Variants in CDH13 observed in about 807,000 individuals in gnomAD.
CDH13 encodes the protein cadherin-13.
A neutral mutation model predicts 63.8 loss-of-function variants in CDH13; 24 were observed. The observed-to-expected ratio is 0.38, with a 90% CI of 0.27 to 0.53. The LOEUF is 0.53. CDH13 is among the 20% of genes least tolerant of loss of function. The pLI is 0.85. For synonymous variants in CDH13, 503 were observed against 355.3 expected (o/e 1.42, Z -4.67); for missense variants, 1,049 against 903.1 (o/e 1.16, Z -2.07).
intron 5 of CDH13, among the ~76,000 whole-genome samples, chr16:83,261,304 G>A (rs186883861): frequency 1.3e-4 from 20 of 152,296 alleles, no homozygotes; most frequent in South Asian, 8.3e-4. Context: ...TTACCGATAC[G>A]TTAACTTCAT....
rs545982513 is a variant in CDH13, at chr16:83,464,221, G to A, written c.782-22256G>A. Among the ~76,000 whole-genome samples, 77 of 152,122 alleles carry A rather than the reference G, an allele frequency of 5.1e-4. 1 individual carries two copies. The highest frequency in any genetic ancestry group is 9.0e-4 in the Non-Finnish European group (61 of 68,014). ...ATTACAGGCACACACCACTATGTCC[G>A]GCTAAATTTTGCTGGGCATGGTGGC... On this transcript the variant is annotated intron_variant, in intron 6 of 13. Transcript: ENST00000567109.
intron 1 of CDH13, among the ~76,000 whole-genome samples, chr16:82,645,169 CG>C (rs1909942835): frequency 6.6e-6 from 1 of 152,074 alleles, no homozygotes; most frequent in Non-Finnish European, 1.5e-5. Flanking sequence ...CGGGCTTCGA[CG>C]GGGCCCTTCA....
intron 9 of CDH13, among the ~76,000 whole-genome samples, chr16:83,677,517 G>T (rs1466019876): frequency 6.6e-6 from 1 of 151,830 alleles, no homozygotes; most frequent in East Asian, 1.9e-4. Flanking sequence ...CCTCAGTTGG[G>T]CCAGGGCCCA....
intron 5 of CDH13, among the ~76,000 whole-genome samples, chr16:83,260,281 C>T: frequency 6.6e-6 from 1 of 151,792 alleles, no homozygotes; most frequent in East Asian, 1.9e-4. Flanking sequence ...AATTGTGAAA[C>T]CTGGTTTAAA....
At chr16:83,094,874 G>A (rs182412239) in intron 3 of CDH13, among the ~76,000 whole-genome samples, 19 of 152,264 alleles carry the variant, frequency 1.2e-4, no homozygotes, top group African/African-American at 4.6e-4. Context: ...TACTTTTTAA[G>A]ATAAGTGAGA....
At chr16:83,501,530 A>T (rs1304682159) in intron 7 of CDH13, among the ~76,000 whole-genome samples, 1 of 152,210 alleles carries the variant, frequency 6.6e-6, no homozygotes, top group Non-Finnish European at 1.5e-5. Flanking sequence ...TGTGCTCAGC[A>T]TTGGACAGCC....
At chr16:83,298,207 C>T (rs1309123116) in intron 5 of CDH13, among the ~76,000 whole-genome samples, 1 of 151,974 alleles carries the variant, frequency 6.6e-6, no homozygotes, top group Non-Finnish European at 1.5e-5. Context: ...CGCCCCACTG[C>T]ACTCCAGGCT....
Position 83,004,563 on chromosome 16 carries a change from G to A in CDH13, c.158-27447G>A, listed in dbSNP as rs1439782743. ...TCTGTCACCCAGGCTGGAGTGTATT[G>A]GTGTGCTCACTGCAACGTGTGCCTC... On this transcript the variant is annotated intron_variant, in intron 2 of 13. Coordinates refer to ENST00000567109, the MANE Select transcript of CDH13 (RefSeq NM_001257.5). Among the ~76,000 whole-genome samples, 4 of 152,086 alleles carry A rather than the reference G, an allele frequency of 2.6e-5. No homozygotes were observed. In the South Asian group the frequency reaches 8.3e-4, roughly 32 times the overall value.
At position 83,798,699 on chromosome 16, in the gene CDH13, C is replaced by A. The variant is rs405478; in HGVS notation, c.*3669C>A. The A allele has an allele frequency of 0.3, 45,853 of 151,936 alleles. 7,259 individuals carry two copies. Among genetic ancestry groups the A allele is most frequent in the African/African-American group, 0.36 (14,957 of 41,418 alleles). 9.4% of individuals were successfully genotyped at this position (151,936 alleles called of 1,614,324 possible). On this transcript the variant is annotated 3_prime_UTR_variant, in exon 14 of 14. Coordinates refer to ENST00000567109, the MANE Select transcript of CDH13 (RefSeq NM_001257.5). Reference sequence around the variant, plus strand: ...TGCCTACTGCAGACCGGAAGACCCTCGTTTGAAGCCTCCATTAGCGTGACT... The same window carrying A: ...TGCCTACTGCAGACCGGAAGACCCTAGTTTGAAGCCTCCATTAGCGTGACT...
chr16:83,656,570 A>AC (rs1450044309), intron 8 of CDH13, among the ~76,000 whole-genome samples: 8 of 152,142 alleles, frequency 5.3e-5, no homozygotes, highest in African/African-American at 1.9e-4. Flanking sequence ...TGGGACCAGA[A>AC]CCCCTGAGCC....
intron 1 of CDH13, among the ~76,000 whole-genome samples, chr16:82,743,590 A>G (rs571439649): frequency 6.6e-6 from 1 of 152,306 alleles, no homozygotes; most frequent in South Asian, 2.1e-4. Context: ...ATTAAAATAT[A>G]TTTTTCACCT....
chr16:83,339,897 A>G (rs1198756338), intron 5 of CDH13, among the ~76,000 whole-genome samples: 1 of 152,230 alleles, frequency 6.6e-6, no homozygotes, highest in Non-Finnish European at 1.5e-5. Context: ...GATGATCCAT[A>G]GGCCCACTGT....
rs1161956468 is a variant in CDH13 at position 83,800,097 on chromosome 16, T to C, written c.*5067T>C. 2.0e-5 allele frequency: 3 copies of C among 152,194 alleles called. No homozygotes were observed. Among genetic ancestry groups the C allele is most frequent in the Non-Finnish European group, 4.4e-5 (3 of 68,022 alleles). 9.4% of individuals were successfully genotyped at this position (152,194 alleles called of 1,614,324 possible). A position where few individuals can be genotyped will look rare whatever the true frequency, so the allele number is the denominator to read the frequency against. ...CTGAGCTTGATACGCCTTTGAACCA[T>C]TTTATTTGACTTTCCACGTGCCGTC... On this transcript the variant is annotated 3_prime_UTR_variant, in exon 14 of 14. Coordinates refer to ENST00000567109, the MANE Select transcript of CDH13 (RefSeq NM_001257.5).
At chr16:83,309,420 G>T (rs967983677) in intron 5 of CDH13, among the ~76,000 whole-genome samples, 2 of 151,992 alleles carry the variant, frequency 1.3e-5, no homozygotes. Context: ...CTGTCACCCA[G>T]GCTGGAGTGC....
chr16:83,010,355 A>G (rs954462790), intron 2 of CDH13, among the ~76,000 whole-genome samples: 1 of 152,076 alleles, frequency 6.6e-6, no homozygotes, highest in Non-Finnish European at 1.5e-5. Flanking sequence ...TCCCACCTGC[A>G]TTAACTGTAA....
chr16:82,701,037 ACTT>A (rs1314610095), intron 1 of CDH13, among the ~76,000 whole-genome samples: 2 of 136,730 alleles, frequency 1.5e-5, no homozygotes, highest in African/African-American at 5.6e-5. Flanking sequence ...TCAAAAGCAA[ACTT>A]CTTATCTCCT....
chr16:82,671,157 A>G (rs576078009), intron 1 of CDH13, among the ~76,000 whole-genome samples: 8 of 152,248 alleles, frequency 5.3e-5, no homozygotes, highest in Non-Finnish European at 1.0e-4. Context: ...GCTACAGCTA[A>G]CATTCTTTAA....
At position 82,885,371 on chromosome 16, in the gene CDH13, C is replaced by A. The variant is rs145448495; in HGVS notation, c.157+26898C>A. 2.3e-3 allele frequency among the ~76,000 whole-genome samples: 349 copies of A among 152,090 alleles called. 2 individuals are homozygous for A. The highest frequency in any genetic ancestry group is 7.4e-3 in the African/African-American group (309 of 41,494). On this transcript the variant is annotated intron_variant, in intron 2 of 13. Transcript: ENST00000567109. The stretch of plus-strand genomic sequence containing the variant: ...TTTTTTCTTTCATGACAGCTTCATC[C>A]ATCTATCCACCTATCCATTCTTGTA...
chr16:82,628,884 C>T (rs1039720680), intron 1 of CDH13, among the ~76,000 whole-genome samples: 2 of 152,230 alleles, frequency 1.3e-5, no homozygotes, highest in African/African-American at 4.8e-5. Context: ...CCTCTTTGAG[C>T]TTCCAAGTTC....
Sources: allele counts gnomAD v4.1 joint callset (sites outside exome capture counted in the v4.1 genomes callset), GRCh38; gene constraint gnomAD v4.1.1; transcripts MANE v1.5; gene names NCBI Gene and HGNC (gene_info 2026-07-23, HGNC 2026-07-21).